Variants in SLC35F4 observed in about 807,000 individuals in gnomAD.
SLC35F4 encodes the protein solute carrier family 35 member F4.
A neutral mutation model predicts 44.2 loss-of-function variants in SLC35F4; 24 were observed. The ratio of observed to expected loss-of-function variants is 0.54; its 90% CI spans 0.39 to 0.76. The LOEUF (loss-of-function observed/expected upper bound fraction) is 0.76, where lower values mean the gene tolerates loss of function less well. Among genes scored for constraint, SLC35F4 ranks in the 30% least tolerant of loss-of-function variants. The pLI is 0.00. For missense variants in SLC35F4, 562 were observed against 586.1 expected (o/e 0.96, Z 0.42); for synonymous variants, 238 against 223.6 (o/e 1.06, Z -0.57).
intron 1 of SLC35F4, among the ~76,000 whole-genome samples, chr14:57,897,014 T>C (rs781765146): frequency 2.0e-5 from 3 of 152,102 alleles, no homozygotes; most frequent in African/African-American, 4.8e-5. Context: ...AAGGTACTTA[T>C]GGAAAATTCA....
chr14:57,862,351 C>A (rs1404604170), intron 1 of SLC35F4, among the ~76,000 whole-genome samples: 1 of 152,152 alleles, frequency 6.6e-6, no homozygotes, highest in Non-Finnish European at 1.5e-5. Flanking sequence ...GTGTTTTCAC[C>A]CTGTCCCAGT....
intron 1 of SLC35F4, among the ~76,000 whole-genome samples, chr14:57,750,131 C>T (rs1296282654): frequency 6.6e-6 from 1 of 151,802 alleles, no homozygotes; most frequent in Non-Finnish European, 1.5e-5. Context: ...AGAGTGAAAA[C>T]ATGCGGTATT....
chr14:57,689,200 G>A (rs1220411100), intron 1 of SLC35F4, among the ~76,000 whole-genome samples: 2 of 152,044 alleles, frequency 1.3e-5, no homozygotes, highest in Non-Finnish European at 2.9e-5. Context: ...GTTGACCTCA[G>A]TTAACAGCAT....
chr14:57,608,396 G>A (rs2071289496), intron 1 of SLC35F4, among the ~76,000 whole-genome samples: 1 of 152,126 alleles, frequency 6.6e-6, no homozygotes, highest in Non-Finnish European at 1.5e-5. Flanking sequence ...CTCATGGGGA[G>A]AACACCATGT....
chr14:57,911,175 T>C (rs914969323), intron 1 of SLC35F4, among the ~76,000 whole-genome samples: 1 of 152,040 alleles, frequency 6.6e-6, no homozygotes, highest in Non-Finnish European at 1.5e-5. Flanking sequence ...GGGGTTTCAT[T>C]ATTTTGCTTT....
intron 1 of SLC35F4, among the ~76,000 whole-genome samples, chr14:57,888,005 G>T (rs1459588441): frequency 6.6e-6 from 1 of 152,150 alleles, no homozygotes; most frequent in African/African-American, 2.4e-5. Flanking sequence ...TTGGACCCAG[G>T]AGATGCAGTA....
chr14:57,667,967 C>T (rs1174092393), intron 1 of SLC35F4, among the ~76,000 whole-genome samples: 2 of 139,778 alleles, frequency 1.4e-5, no homozygotes, highest in African/African-American at 5.5e-5. Context: ...AAAAGTGTTC[C>T]TATTTCTCCA....
intron 1 of SLC35F4, among the ~76,000 whole-genome samples, chr14:57,767,089 A>G (rs1956682): frequency 2.0e-5 from 3 of 151,914 alleles, no homozygotes; most frequent in African/African-American, 7.3e-5. Context: ...TATATATAAA[A>G]CAAACAGATG....
At chr14:57,925,578 G>A (rs563790443) in intron 1 of SLC35F4, among the ~76,000 whole-genome samples, 24 of 150,336 alleles carry the variant, frequency 1.6e-4, no homozygotes, top group Non-Finnish European at 3.3e-4. Flanking sequence ...AGGCAGGAGA[G>A]TCCTGGAGTA....
chr14:57,960,062 A>G (rs1245450976), intron 1 of SLC35F4, among the ~76,000 whole-genome samples: 3 of 152,154 alleles, frequency 2.0e-5, no homozygotes, highest in Admixed American at 6.5e-5. Flanking sequence ...AAGTTACTGA[A>G]CTTCTCCATG....
intron 1 of SLC35F4, among the ~76,000 whole-genome samples, chr14:57,625,138 A>T (rs963662830): frequency 6.6e-6 from 1 of 152,226 alleles, no homozygotes; most frequent in Non-Finnish European, 1.5e-5. Flanking sequence ...TGCAAAAATC[A>T]CAAGCATTCC....
intron 1 of SLC35F4, among the ~76,000 whole-genome samples, chr14:57,961,350 G>A (rs1442911786): frequency 1.3e-5 from 2 of 152,178 alleles, no homozygotes; most frequent in African/African-American, 2.4e-5. Flanking sequence ...AGGCTGCATT[G>A]CAGAGCTGAG....
chr14:57,724,040 A>T (rs533485293), intron 1 of SLC35F4, among the ~76,000 whole-genome samples: 1 of 152,374 alleles, frequency 6.6e-6, no homozygotes, highest in African/African-American at 2.4e-5. Context: ...CAACCAAAAA[A>T]GAGGCACAAT....
intron 1 of SLC35F4, among the ~76,000 whole-genome samples, chr14:57,842,122 C>T (rs1463176659): frequency 6.6e-6 from 1 of 152,098 alleles, no homozygotes; most frequent in Non-Finnish European, 1.5e-5. Flanking sequence ...GGAAAAATAA[C>T]CATGTTTTTA....
intron 1 of SLC35F4, among the ~76,000 whole-genome samples, chr14:57,614,303 G>C (rs1286546390): frequency 6.6e-6 from 1 of 152,198 alleles, no homozygotes; most frequent in Non-Finnish European, 1.5e-5. Flanking sequence ...AAAGTTGTTG[G>C]TAATTACTGG....
intron 1 of SLC35F4, chr14:57,604,090 C>A (rs565781340): frequency 3.9e-4 from 60 of 152,286 alleles, no homozygotes; most frequent in African/African-American, 1.4e-3. Flanking sequence ...CACCTGGTGG[C>A]AAGTTTTCTC....
intron 1 of SLC35F4, among the ~76,000 whole-genome samples, chr14:57,657,166 A>G (rs1172997833): frequency 6.6e-6 from 1 of 152,188 alleles, no homozygotes; most frequent in Non-Finnish European, 1.5e-5. Context: ...GGTCTTTCTC[A>G]CAGGAGCCAG....
chr14:57,673,961 T>C (rs531948822), intron 1 of SLC35F4, among the ~76,000 whole-genome samples: 4 of 152,156 alleles, frequency 2.6e-5, no homozygotes, highest in African/African-American at 9.6e-5. Context: ...AAAATTTGAA[T>C]AAACACTTTA....
chr14:57,691,301 T>C (rs540992035), intron 1 of SLC35F4, among the ~76,000 whole-genome samples: 2 of 152,298 alleles, frequency 1.3e-5, no homozygotes, highest in South Asian at 2.1e-4. Context: ...CACACTATAA[T>C]GGACTGAAAC....
Sources: gnomAD v4.1 joint callset for allele counts (sites outside exome capture counted in the v4.1 genomes callset) on GRCh38, gnomAD v4.1.1 for gene constraint, MANE v1.5 for transcripts, NCBI Gene and HGNC (gene_info 2026-07-23, HGNC 2026-07-21) for gene names.